The following BCL2L1 variants were observed in gnomAD, a reference collection of about 807,000 sequenced individuals.
The protein encoded by BCL2L1 is bcl-2-like protein 1.
BCL2L1 carries 1 observed loss-of-function variant against 18.7 expected under a neutral mutation model. The observed-to-expected ratio is 0.05, with a 90% CI of 0.02 to 0.25. BCL2L1 has a LOEUF of 0.25. Ranked by LOEUF, BCL2L1 falls within the 10% of genes least tolerant of loss-of-function variation. BCL2L1 has a pLI of 1.00. For missense variants in BCL2L1, 207 were observed against 304.9 expected (o/e 0.68, Z 2.39); for synonymous variants, 103 against 122.7 (o/e 0.84, Z 1.06).
intron 2 of BCL2L1, among the ~76,000 whole-genome samples, chr20:31,705,222 A>G (rs1455183351): frequency 6.6e-6 from 1 of 152,240 alleles, no homozygotes; most frequent in East Asian, 1.9e-4. Context: ...TGAGAATTCA[A>G]TGAACTATCT....
chr20:31,694,095 G>C (rs989320230), intron 2 of BCL2L1, among the ~76,000 whole-genome samples: 1 of 152,124 alleles, frequency 6.6e-6, no homozygotes, highest in African/African-American at 2.4e-5. Flanking sequence ...CACAGTGGGA[G>C]TTCCTGGCTC....
intron 2 of BCL2L1, chr20:31,720,475 G>T: frequency 1.1e-6 from 1 of 940,400 alleles, no homozygotes; most frequent in Non-Finnish European, 1.3e-6. Context: ...AGGGAGATAA[G>T]CAAGAAAACA....
chr20:31,722,068 T>C lies in BCL2L1; in HGVS notation c.151A>G (p.Ile51Val), dbSNP rs777448557. 3 of 1,600,918 alleles carry C rather than the reference T, an allele frequency of 1.9e-6. No homozygotes were observed. Among genetic ancestry groups the C allele is most frequent in the South Asian group, 1.1e-5 (1 of 88,534 alleles). The part of the protein sequence containing the change: ...TESEMETPSA[I>V]NGNPSWHLAD... The stretch of plus-strand genomic sequence containing the variant: ...AGGTGCCAGGATGGGTTGCCATTGA[T>C]GGCACTGGGGGTCTCCATCTCCGAT... The change falls in exon 2 of 3, where the codon ATC (isoleucine) becomes GTC (valine). Residue 51 changes from isoleucine to valine, a missense_variant. Coordinates refer to ENST00000307677, the MANE Select transcript of BCL2L1 (RefSeq NM_138578.3).
At chr20:31,668,058 C>G (rs1287947740) in intron 2 of BCL2L1, among the ~76,000 whole-genome samples, 1 of 152,150 alleles carries the variant, frequency 6.6e-6, no homozygotes, top group South Asian at 2.1e-4. Context: ...GCCTCCTCCC[C>G]ACCCCTGTCC....
intron 2 of BCL2L1, among the ~76,000 whole-genome samples, chr20:31,714,776 T>C (rs1302465388): frequency 6.6e-6 from 1 of 152,202 alleles, no homozygotes; most frequent in South Asian, 2.1e-4. Flanking sequence ...ACATCTATCT[T>C]ACTTAACTTT....
chr20:31,703,180 C>G (rs180912185), intron 2 of BCL2L1, among the ~76,000 whole-genome samples: 1,769 of 148,588 alleles, frequency 0.012, 33 homozygotes, highest in Non-Finnish European at 0.014. Flanking sequence ...AGGTAGCTGG[C>G]ATCACAGGCA....
At chr20:31,686,820 T>TA (rs371066027) in intron 2 of BCL2L1, among the ~76,000 whole-genome samples, 1 of 151,764 alleles carries the variant, frequency 6.6e-6, no homozygotes, top group African/African-American at 2.4e-5. Context: ...TAAGAAAAAA[T>TA]AAAAAAAGGC....
chr20:31,689,961 G>A (rs1251343580), intron 2 of BCL2L1, among the ~76,000 whole-genome samples: 1 of 152,240 alleles, frequency 6.6e-6, no homozygotes, highest in East Asian at 1.9e-4. Flanking sequence ...AGGTTGCGGT[G>A]AGCTGGAGAT....
chr20:31,686,489 T>C (rs1280758903), intron 2 of BCL2L1: 1 of 152,210 alleles, frequency 6.6e-6, no homozygotes, highest in Non-Finnish European at 1.5e-5. Context: ...AATGATCCTA[T>C]GCTATTATTT....
At chr20:31,699,707 C>T (rs1031000768) in intron 2 of BCL2L1, among the ~76,000 whole-genome samples, 7 of 152,212 alleles carry the variant, frequency 4.6e-5, no homozygotes, top group East Asian at 1.9e-4. Flanking sequence ...GGATTCACCA[C>T]GTAAAGCTGC....
chr20:31,701,474 T>C (rs901454934), intron 2 of BCL2L1, among the ~76,000 whole-genome samples: 17 of 152,210 alleles, frequency 1.1e-4, no homozygotes, highest in African/African-American at 4.1e-4. Context: ...GTGAACTAAT[T>C]TTACTTTTGG....
chr20:31,709,202 T>C (rs1049921880), intron 2 of BCL2L1, among the ~76,000 whole-genome samples: 1 of 152,198 alleles, frequency 6.6e-6, no homozygotes, highest in African/African-American at 2.4e-5. Flanking sequence ...ACTTTATTGC[T>C]GACACAGACC....
chr20:31,722,360 A>T lies in BCL2L1; in HGVS notation c.-130-12T>A, dbSNP rs1400757696. On this transcript the variant is annotated splice_polypyrimidine_tract_variant and intron_variant, in intron 1 of 2. Transcript: ENST00000307677. ...AGGGAGAGAAAGAGCTTCAGGAAAAAAAAATAATTAATATGCATGCCATTT... is the reference window on the plus strand; with the variant it reads ...AGGGAGAGAAAGAGCTTCAGGAAAATAAAATAATTAATATGCATGCCATTT... 3 of 583,860 alleles carry T rather than the reference A, an allele frequency of 5.1e-6. No individual in the cohort carries two copies. The African/African-American group carries it at 5.7e-5, about 11-fold the overall frequency. 36.2% of individuals were successfully genotyped at this position (583,860 alleles called of 1,614,324 possible).
intron 2 of BCL2L1, among the ~76,000 whole-genome samples, chr20:31,715,046 G>A (rs529178717): frequency 6.6e-5 from 10 of 152,038 alleles, no homozygotes; most frequent in East Asian, 3.9e-4. Context: ...AGGCTGAGGC[G>A]GGCGGATCAC....
intron 2 of BCL2L1, among the ~76,000 whole-genome samples, chr20:31,667,208 C>A (rs1280854410): frequency 2.0e-5 from 3 of 152,058 alleles, no homozygotes; most frequent in Non-Finnish European, 2.9e-5. Flanking sequence ...TGCCTATAAT[C>A]CCAGCACTTT....
At chr20:31,671,861 A>G (rs963221082) in intron 2 of BCL2L1, among the ~76,000 whole-genome samples, 6 of 149,300 alleles carry the variant, frequency 4.0e-5, no homozygotes, top group African/African-American at 1.5e-4. Flanking sequence ...TATATACCAT[A>G]TATATACACA....
chr20:31,678,490 A>C (rs1260734699), intron 2 of BCL2L1, among the ~76,000 whole-genome samples: 1 of 152,212 alleles, frequency 6.6e-6, no homozygotes, highest in Non-Finnish European at 1.5e-5. Flanking sequence ...TCATGCAGAC[A>C]GATGAGTGAC....
chr20:31,688,402 C>G (rs1166313987), intron 2 of BCL2L1, among the ~76,000 whole-genome samples: 16 of 148,026 alleles, frequency 1.1e-4, no homozygotes, highest in Non-Finnish European at 4.4e-5. Context: ...CAAGATCGTG[C>G]CACTGCATTC....
chr20:31,714,218 T>A (rs914242620), intron 2 of BCL2L1, among the ~76,000 whole-genome samples: 4 of 152,206 alleles, frequency 2.6e-5, no homozygotes, highest in Non-Finnish European at 5.9e-5. Context: ...GAACCAGCAT[T>A]CCTTTATTGC....
Sources: gnomAD v4.1 joint callset for allele counts (sites outside exome capture counted in the v4.1 genomes callset) on GRCh38, gnomAD v4.1.1 for gene constraint, MANE v1.5 for transcripts, NCBI Gene and HGNC (gene_info 2026-07-23, HGNC 2026-07-21) for gene names.